CFAP47: variants seen among roughly 807,000 people sequenced by gnomAD.
CFAP47 encodes the protein cilia and flagella associated protein 47.
Under a neutral mutation model 148.1 loss-of-function variants are expected in CFAP47, and 29 were observed. The ratio of observed to expected loss-of-function variants is 0.20; its 90% CI spans 0.15 to 0.27. CFAP47 has a LOEUF of 0.27. CFAP47 is among the 10% of genes least tolerant of loss of function. CFAP47 has a pLI of 1.00. For missense variants in CFAP47, 1,872 were observed against 1,697.5 expected (o/e 1.10, Z -1.81); for synonymous variants, 664 against 577.3 (o/e 1.15, Z -2.15).
At chrX:36,175,418 A>G (rs947554044) in intron 39 of CFAP47, among the ~76,000 whole-genome samples, 46 of 111,021 alleles carry the variant, frequency 4.1e-4, no homozygotes, top group Non-Finnish European at 8.1e-4. Flanking sequence ...TTTTTTCCCC[A>G]TCTTTGTGGT....
chrX:36,168,716 C>T (rs987246208), intron 39 of CFAP47, among the ~76,000 whole-genome samples: 5 of 111,998 alleles, frequency 4.5e-5, no homozygotes, highest in East Asian at 5.6e-4. Context: ...CATGAGCCAC[C>T]GCACCCAGCC....
At chrX:36,138,514 T>C (rs763681088) in intron 35 of CFAP47, 50 bp downstream of exon 35, 2 of 1,087,720 alleles carry the variant, frequency 1.8e-6, no homozygotes, top group East Asian at 7.1e-5. Flanking sequence ...AAATTTCTTT[T>C]GATAGCTTGC....
chrX:36,294,192 TC>T (rs1436925399), intron 51 of CFAP47, among the ~76,000 whole-genome samples: 9 of 110,799 alleles, frequency 8.1e-5, no homozygotes, highest in African/African-American at 3.0e-4. Flanking sequence ...CTACCTGTCA[TC>T]TCATTTCATC....
At chrX:36,022,768 T>C (rs1228703094) in intron 22 of CFAP47, among the ~76,000 whole-genome samples, 2 of 111,732 alleles carry the variant, frequency 1.8e-5, no homozygotes, top group Non-Finnish European at 3.8e-5. Flanking sequence ...AGAACTCTGA[T>C]GCAAATTGCA....
intron 1 of CFAP47, among the ~76,000 whole-genome samples, chrX:35,924,401 ACACACATATGTGTATATG>A (rs1332902577): frequency 5.9e-5 from 6 of 101,903 alleles, no homozygotes; most frequent in Admixed American, 1.0e-4. Flanking sequence ...GTATATATGC[ACACACATATGTGTATATG>A]CACACATATG....
intron 38 of CFAP47, 70 bp downstream of exon 38, chrX:36,159,646 G>A (rs754151366): frequency 1.5e-4 from 44 of 290,635 alleles, no homozygotes; most frequent in Non-Finnish European, 2.3e-4. Context: ...GCATGTTATT[G>A]TTATACATTT....
In CFAP47 at chrX:36,285,697, G is replaced by A. The variant is rs1941125015; in HGVS notation, c.7657G>A (p.Glu2553Lys). ...EIHSTPGPPI[E>K]IMEMTCIALD... ...CCATAGCACTCCTGGACCACCCATAGAGATTATGGAAATGACATGTATTGC... is the reference window on the plus strand; with the variant it reads ...CCATAGCACTCCTGGACCACCCATAAAGATTATGGAAATGACATGTATTGC... Residue 2553 changes from glutamate (E) to lysine (K), a missense_variant, in exon 51 of 64, where the codon GAG becomes AAG. Physicochemically the swap from Glu to Lys is moderately conservative, Grantham distance 56. Coordinates refer to ENST00000378653, the MANE Select transcript of CFAP47 (RefSeq NM_001304548.2). 8.7e-7 allele frequency: 1 copy of A among 1,150,105 alleles called. No homozygotes were observed. Among genetic ancestry groups the A allele is most frequent in the East Asian group, 3.3e-5 (1 of 30,586 alleles). The allele number at this position is 1,150,105 out of a possible 1,213,427, so 94.8% of individuals were successfully genotyped here. A position where few individuals can be genotyped will look rare whatever the true frequency, so the allele number is the denominator to read the frequency against.
intron 7 of CFAP47, among the ~76,000 whole-genome samples, chrX:35,954,669 T>A (rs893836749): frequency 1.8e-5 from 2 of 112,041 alleles, no homozygotes; most frequent in African/African-American, 6.5e-5. Flanking sequence ...AAATGCAAAC[T>A]CTTTTTCTTT....
chrX:36,229,202 C>T (rs374491211), intron 46 of CFAP47, among the ~76,000 whole-genome samples: 1 of 111,405 alleles, frequency 9.0e-6, no homozygotes, highest in Admixed American at 9.6e-5. Context: ...AGCTTGGCTA[C>T]CTATTAGTCA....
intron 29 of CFAP47, among the ~76,000 whole-genome samples, chrX:36,078,361 G>C (rs1458257415): frequency 9.0e-6 from 1 of 110,979 alleles, no homozygotes; most frequent in Admixed American, 9.6e-5. Flanking sequence ...GGTCTCTAAG[G>C]ACTTGCTCTA....
At chrX:36,017,865 T>C (rs1251376624) in intron 22 of CFAP47, among the ~76,000 whole-genome samples, 1 of 111,666 alleles carries the variant, frequency 9.0e-6, no homozygotes, top group Non-Finnish European at 1.9e-5. Flanking sequence ...TGTGGTTCCA[T>C]ATAAATTTTA....
rs1556017887 is a variant in CFAP47 at position 36,353,586 on chromosome X, A to G, written c.8756A>G (p.Asn2919Ser). 2 of 1,161,605 alleles carry G rather than the reference A, an allele frequency of 1.7e-6. No homozygotes were observed. Among genetic ancestry groups the G allele is most frequent in the Non-Finnish European group, 1.2e-6 (1 of 868,894 alleles). Reference protein sequence around the residue: ...RAEEKVEIILNAGFFGFSLTP... With the variant: ...RAEEKVEIILSAGFFGFSLTP... ...GAAGAGAAGGTAGAAATCATACTGA[A>G]TGCTGGTTTTTTCGGATTTAGTCTT... Residue 2919 changes from asparagine (N) to serine (S), a missense_variant, in exon 60 of 64, where the codon AAT (asparagine) becomes AGT (serine). Asn to Ser is a conservative substitution (Grantham distance 46). Transcript: ENST00000378653.
intron 22 of CFAP47, among the ~76,000 whole-genome samples, 158 bp from the exon 23 acceptor site, chrX:36,031,095 A>G (rs1937273442): frequency 2.7e-5 from 3 of 111,179 alleles, no homozygotes; most frequent in South Asian, 7.3e-4. Flanking sequence ...TATTTTAGAA[A>G]TGTTTTTAAA....
intron 26 of CFAP47, 148 bp downstream of exon 26, chrX:36,047,211 G>A (rs1001510642): frequency 6.5e-6 from 3 of 460,345 alleles, no homozygotes; most frequent in South Asian, 4.1e-5. Context: ...AAATGTAAGT[G>A]CGCTCTCACA....
rs145581246 is a variant in CFAP47 at position 36,268,540 on chromosome X, T to G, written c.7445-11947T>G. Among the ~76,000 whole-genome samples, 671 of 112,831 alleles carry G rather than the reference T, an allele frequency of 5.9e-3. 8 individuals are homozygous for G. Among genetic ancestry groups the G allele is most frequent in the African/African-American group, 0.02 (618 of 31,122 alleles). ...TTAGGAAGAAGGTTCCAGTGGCTGA[T>G]GAATCCACCCATTATATTCTAGAGA... On this transcript the variant is annotated intron_variant, in intron 49 of 63. Coordinates refer to ENST00000378653, the MANE Select transcript of CFAP47 (RefSeq NM_001304548.2).
rs782593427 is a variant in CFAP47 at position 36,198,717 on chromosome X, A to G, written c.6322-1662A>G. Reference sequence around the variant, plus strand: ...TTTTCAGTCTTAAGGTCTCTGTTGTAATGTTAATGCTGGTAAGCTGTGCCT... The same window carrying G: ...TTTTCAGTCTTAAGGTCTCTGTTGTGATGTTAATGCTGGTAAGCTGTGCCT... On this transcript the variant is annotated intron_variant, in intron 42 of 63. Coordinates refer to ENST00000378653, the MANE Select transcript of CFAP47 (RefSeq NM_001304548.2). Among the ~76,000 whole-genome samples, 6 of 111,569 alleles carry G rather than the reference A, an allele frequency of 5.4e-5. No homozygotes were observed. The East Asian group carries it at 1.7e-3, about 32-fold the overall frequency.
At chrX:35,984,299 A>G (rs781686166) in intron 15 of CFAP47, among the ~76,000 whole-genome samples, 1 of 110,946 alleles carries the variant, frequency 9.0e-6, no homozygotes, top group Non-Finnish European at 1.9e-5. Context: ...GGTATGTGTT[A>G]ATGTCCCCTT....
At chrX:36,333,524 T>C (rs1384511866) in intron 57 of CFAP47, among the ~76,000 whole-genome samples, 1 of 111,151 alleles carries the variant, frequency 9.0e-6, no homozygotes, top group African/African-American at 3.3e-5. Flanking sequence ...AAATCTCTAG[T>C]TTTGATTTTT....
At chrX:36,021,389 A>G (rs190486750) in intron 22 of CFAP47, among the ~76,000 whole-genome samples, 10 of 110,122 alleles carry the variant, frequency 9.1e-5, no homozygotes, top group South Asian at 4.0e-4. Flanking sequence ...GCAACCCTCA[A>G]CCTCCTGGGT....
Sources: allele counts gnomAD v4.1 joint callset (sites outside exome capture counted in the v4.1 genomes callset), GRCh38; gene constraint gnomAD v4.1.1; transcripts MANE v1.5; gene names NCBI Gene and HGNC (gene_info 2026-07-23, HGNC 2026-07-21).